Variants in GLDC observed in about 807,000 individuals in gnomAD.
GLDC encodes the protein glycine dehydrogenase (decarboxylating), mitochondrial.
A neutral mutation model predicts 121.3 loss-of-function variants in GLDC; 104 were observed. That is an observed-to-expected ratio of 0.86 (90% CI 0.73 to 1.01). The LOEUF (loss-of-function observed/expected upper bound fraction) is 1.01, where lower values mean the gene tolerates loss of function less well. Among genes scored for constraint, GLDC ranks in the 50% least tolerant of loss-of-function variants. The pLI, the probability that GLDC is intolerant of heterozygous loss-of-function variation, is 0.00. For missense variants in GLDC, 1,429 were observed against 1,306.6 expected (o/e 1.09, Z -1.44); for synonymous variants, 546 against 480.6 (o/e 1.14, Z -1.78).
rs778913771 is a variant in GLDC at position 6,540,100 on chromosome 9, C to G, written c.2616G>C (p.Lys872Asn). The change falls in exon 22 of 25, where the codon AAG becomes AAC. Residue 872 changes from lysine (K) to asparagine (N), a missense_variant. Coordinates refer to ENST00000321612, the MANE Select transcript of GLDC (RefSeq NM_000170.3). The part of the protein sequence containing the change: ...EFILDTRPFK[K>N]SANIEAVDVA... Reference sequence around the variant, plus strand: ...CATCCACAGCCTCAATATTTGCAGACTTTTTGAAGGGTCTCGTGTCCAAAA... The same window carrying G: ...CATCCACAGCCTCAATATTTGCAGAGTTTTTGAAGGGTCTCGTGTCCAAAA... The G allele has an allele frequency of 9.9e-6, 16 of 1,613,718 alleles. No homozygotes were observed. The highest frequency in any genetic ancestry group is 1.4e-5 in the Non-Finnish European group (16 of 1,179,614).
At chr9:6,568,561 C>T (rs1431094159) in intron 15 of GLDC, among the ~76,000 whole-genome samples, 1 of 152,254 alleles carries the variant, frequency 6.6e-6, no homozygotes. Flanking sequence ...AAACAAGGCC[C>T]TCCATGCCGG....
chr9:6,643,832 G>C (rs972202876), intron 2 of GLDC, among the ~76,000 whole-genome samples: 1 of 151,502 alleles, frequency 6.6e-6, no homozygotes, highest in Non-Finnish European at 1.5e-5. Context: ...TCAGGAGTTC[G>C]ACACCAGCCT....
intron 21 of GLDC, among the ~76,000 whole-genome samples, chr9:6,543,917 G>A (rs1817328286): frequency 6.9e-6 from 1 of 145,914 alleles, no homozygotes; most frequent in Non-Finnish European, 1.5e-5. Flanking sequence ...GGAAAAGCAA[G>A]GTAAACGTTG....
chr9:6,622,519 C>G (rs1335982861), intron 2 of GLDC, among the ~76,000 whole-genome samples: 1 of 152,206 alleles, frequency 6.6e-6, no homozygotes, highest in Non-Finnish European at 1.5e-5. Flanking sequence ...GCCGGGATTG[C>G]AGACAGAGTC....
rs1219056748 is a variant in GLDC, at chr9:6,633,851, A to T, written c.334+10763T>A. ...TTTTTTTTTTTTTTTTTTTTTTGAG[A>T]CGGAGTCTCACTCTGTCGCTCAGGC... On this transcript the variant is annotated intron_variant, in intron 2 of 24. Coordinates refer to ENST00000321612, the MANE Select transcript of GLDC (RefSeq NM_000170.3). Among the ~76,000 whole-genome samples the T allele has an allele frequency of 6.0e-4, 40 of 66,356 alleles. 4 individuals carry two copies. The highest frequency in any genetic ancestry group is 3.1e-3 in the African/African-American group (36 of 11,686). 43.5% of individuals were successfully genotyped at this position (66,356 alleles called of 152,430 possible).
chr9:6,616,880 AC>A (rs996689395), intron 3 of GLDC, among the ~76,000 whole-genome samples: 72 of 152,340 alleles, frequency 4.7e-4, no homozygotes, highest in African/African-American at 1.6e-3. Context: ...GGTTTGCAGG[AC>A]AAACACTCCT....
At chr9:6,578,794 A>C (rs548173003) in intron 15 of GLDC, among the ~76,000 whole-genome samples, 1 of 152,174 alleles carries the variant, frequency 6.6e-6, no homozygotes, top group Non-Finnish European at 1.5e-5. Context: ...CAGCCTCCCA[A>C]AGTACTGCAA....
chr9:6,569,874 G>A (rs894338918), intron 15 of GLDC, among the ~76,000 whole-genome samples: 1 of 152,022 alleles, frequency 6.6e-6, no homozygotes, highest in South Asian at 2.1e-4. Context: ...TACTTGGGAG[G>A]CTGAGGCAGG....
intron 7 of GLDC, among the ~76,000 whole-genome samples, chr9:6,602,617 T>C (rs1438533061): frequency 6.6e-6 from 1 of 152,152 alleles, no homozygotes; most frequent in Non-Finnish European, 1.5e-5. Context: ...CCTCCCAAAG[T>C]GCTGGGATTA....
At chr9:6,577,019 A>C (rs1818078057) in intron 15 of GLDC, among the ~76,000 whole-genome samples, 1 of 152,196 alleles carries the variant, frequency 6.6e-6, no homozygotes, top group South Asian at 2.1e-4. Context: ...AAATTCACCA[A>C]AGAGAAAGGT....
intron 15 of GLDC, chr9:6,565,933 A>C (rs1817846667): frequency 4.8e-6 from 1 of 210,144 alleles, no homozygotes; most frequent in Non-Finnish European, 9.6e-6. Flanking sequence ...TTCAAAGATA[A>C]GTATTGTTTT....
At chr9:6,620,045 G>T (rs1462077523) in intron 3 of GLDC, 139 bp downstream of exon 3, 5 of 821,534 alleles carry the variant, frequency 6.1e-6, no homozygotes, top group Non-Finnish European at 1.0e-5. Flanking sequence ...GAGAAACCCG[G>T]TAGGTTCCCG....
Position 6,532,757 on chromosome 9 carries a change from C to T in GLDC, c.*260G>A, listed in dbSNP as rs1817026064. ...TAAAAGTTAAAGTTCCTAAAACTTTCTACGCAAAACACAAAATGGCTCCCA... is the reference window on the plus strand; with the variant it reads ...TAAAAGTTAAAGTTCCTAAAACTTTTTACGCAAAACACAAAATGGCTCCCA... On this transcript the variant is annotated 3_prime_UTR_variant, in exon 25 of 25. Coordinates refer to ENST00000321612, the MANE Select transcript of GLDC (RefSeq NM_000170.3). 2 of 467,540 alleles carry T rather than the reference C, an allele frequency of 4.3e-6. No homozygotes were observed. Among genetic ancestry groups the T allele is most frequent in the East Asian group, 4.1e-5 (1 of 24,404 alleles). The allele number at this position is 467,540 out of a possible 1,614,324, so 29.0% of individuals were successfully genotyped here. A position where few individuals can be genotyped will look rare whatever the true frequency, so the allele number is the denominator to read the frequency against.
intron 2 of GLDC, among the ~76,000 whole-genome samples, chr9:6,623,512 A>G (rs1314419317): frequency 3.3e-5 from 5 of 151,200 alleles, no homozygotes; most frequent in Middle Eastern, 3.4e-3. Flanking sequence ...TAGGAAAACC[A>G]GAGACCTTTG....
At chr9:6,639,668 A>AAAAAAATATATATATATATATATATATAT in intron 2 of GLDC, 1 of 244,954 alleles carries the variant, frequency 4.1e-6, no homozygotes, top group African/African-American at 5.2e-5. Flanking sequence ...ATAAAAAAAA[A>AAAAAAATATATATATATATATATATATAT]GTATATATAT....
intron 2 of GLDC, among the ~76,000 whole-genome samples, chr9:6,624,744 T>C (rs1443931470): frequency 2.6e-5 from 4 of 152,080 alleles, no homozygotes; most frequent in Non-Finnish European, 5.9e-5. Flanking sequence ...CCCAGCACTT[T>C]GGGAGGCTGA....
At chr9:6,581,843 T>C (rs1014654771) in intron 15 of GLDC, among the ~76,000 whole-genome samples, 20 of 152,174 alleles carry the variant, frequency 1.3e-4, no homozygotes, top group African/African-American at 4.8e-4. Flanking sequence ...CCTTTGTGCA[T>C]CAAAAAACAC....
chr9:6,590,283 G>T (rs1818350872), intron 11 of GLDC, among the ~76,000 whole-genome samples: 1 of 151,082 alleles, frequency 6.6e-6, no homozygotes, highest in Admixed American at 6.6e-5. Flanking sequence ...ATCTGATAAG[G>T]ATTTAATATC....
intron 2 of GLDC, among the ~76,000 whole-genome samples, chr9:6,630,302 G>T (rs1289229979): frequency 1.3e-5 from 2 of 152,072 alleles, no homozygotes; most frequent in African/African-American, 4.8e-5. Flanking sequence ...TTAAAATGTT[G>T]CATGTAGAAT....
Sources: allele counts gnomAD v4.1 joint callset (sites outside exome capture counted in the v4.1 genomes callset), GRCh38; gene constraint gnomAD v4.1.1; transcripts MANE v1.5; gene names NCBI Gene and HGNC (gene_info 2026-07-23, HGNC 2026-07-21).